Variants in STAT4 observed in about 807,000 individuals in gnomAD.
The protein encoded by STAT4 is signal transducer and activator of transcription 4.
In STAT4, 42 loss-of-function variants were observed where a neutral mutation model predicts 110.5. The ratio of observed to expected loss-of-function variants is 0.38; its 90% confidence interval spans 0.30 to 0.49. The LOEUF is 0.49. STAT4 is among the 20% of genes least tolerant of loss of function. The pLI is 0.95. For synonymous variants in STAT4, 284 were observed against 302.2 expected (o/e 0.94, Z 0.63); for missense variants, 632 against 887.9 (o/e 0.71, Z 3.66).
intron 3 of STAT4, among the ~76,000 whole-genome samples, chr2:191,081,330 G>T (rs1000174011): frequency 6.6e-6 from 1 of 152,220 alleles, no homozygotes; most frequent in Non-Finnish European, 1.5e-5. Flanking sequence ...ATAGTAGAAT[G>T]ATTTATAATC....
Position 191,066,652 on chromosome 2 carries a change from C to T in STAT4, c.545-137G>A. On this transcript the variant is annotated intron_variant, in intron 6 of 23. Coordinates refer to ENST00000392320, the MANE Select transcript of STAT4 (RefSeq NM_003151.4). The surrounding 1 kb of genome is among the most constrained non-coding windows in gnomAD (Gnocchi z 4.3). ...ACTAATTGGGTTCACTAGAGGTGAG[C>T]TTGGAAGTCTGTCTGCTCATTTTGC... is the stretch of plus-strand genomic sequence containing the variant. 1.5e-6 allele frequency: 1 copy of T among 653,318 alleles called. No individual in the cohort carries two copies. Among genetic ancestry groups the T allele is most frequent in the South Asian group, 2.2e-5 (1 of 45,076 alleles). The allele number at this position is 653,318 out of a possible 1,614,324, so 40.5% of individuals were successfully genotyped here. A position where few individuals can be genotyped will look rare whatever the true frequency, so the allele number is the denominator to read the frequency against.
chr2:191,100,040 T>G (rs1559067051), intron 3 of STAT4, among the ~76,000 whole-genome samples: 2 of 152,166 alleles, frequency 1.3e-5, no homozygotes, highest in Non-Finnish European at 2.9e-5. Context: ...AAAGCTATTT[T>G]CATCATAACA....
intron 3 of STAT4, among the ~76,000 whole-genome samples, chr2:191,125,475 A>ATTT (rs373535082): frequency 2.3e-5 from 1 of 43,004 alleles, no homozygotes; most frequent in Non-Finnish European, 5.8e-5. Flanking sequence ...GATCCTCATT[A>ATTT]TTTATTATTA....
At chr2:191,105,498 GTAT>G (rs1339853012) in intron 3 of STAT4, among the ~76,000 whole-genome samples, 1 of 151,912 alleles carries the variant, frequency 6.6e-6, no homozygotes, top group Non-Finnish European at 1.5e-5. Flanking sequence ...ATCTTAAACA[GTAT>G]TATTTGTCTT....
intron 3 of STAT4, among the ~76,000 whole-genome samples, chr2:191,121,777 GGGGGGAA>G (rs1698739644): frequency 6.9e-6 from 1 of 145,158 alleles, no homozygotes; most frequent in Admixed American, 6.9e-5. Flanking sequence ...GTTGTGGGGT[GGGGGGAA>G]GGGGGAGGGG....
At position 191,144,782 on chromosome 2, in the gene STAT4, A is replaced by G. The variant is rs1382450375; in HGVS notation, c.273+1831T>C. ...TGCTATTTTACCTACCAACAATAAG[A>G]ATCATTTATTGAATGCCTACATCTT... On this transcript the variant is annotated intron_variant, in intron 3 of 23. Transcript: ENST00000392320. The surrounding 1 kb of genome is among the most constrained non-coding windows in gnomAD (Gnocchi z 4.7). Among the ~76,000 whole-genome samples, 2 of 152,178 alleles carry G rather than the reference A, an allele frequency of 1.3e-5. No individual in the cohort carries two copies. Among genetic ancestry groups the G allele is most frequent in the African/African-American group, 4.8e-5 (2 of 41,442 alleles).
rs1190488463 is a variant in STAT4 at position 191,030,888 on chromosome 2, G to GTA, written c.2220+82_2220+83dup. On this transcript the variant is annotated intron_variant, in intron 23 of 23. Coordinates refer to ENST00000392320, the MANE Select transcript of STAT4 (RefSeq NM_003151.4). This position sits in a 1 kb window ranked among gnomAD's most constrained non-coding sequence, Gnocchi z 4.4. ...AATGTGTTTTCTCCCTACCCAGGCAGTATTTCAGCCCCTTTGATTCACACA... is the reference window on the plus strand; with the variant it reads ...AATGTGTTTTCTCCCTACCCAGGCAGTATATTTCAGCCCCTTTGATTCACACA... 3 of 1,252,264 alleles carry GTA rather than the reference G, an allele frequency of 2.4e-6. No individual in the cohort carries two copies. The highest frequency in any genetic ancestry group is 3.5e-6 in the Non-Finnish European group (3 of 858,472). 77.6% of individuals were successfully genotyped at this position (1,252,264 alleles called of 1,614,324 possible). A position where few individuals can be genotyped will look rare whatever the true frequency, so the allele number is the denominator to read the frequency against.
At chr2:191,054,915 A>G (rs181019816) in intron 13 of STAT4, among the ~76,000 whole-genome samples, 1 of 152,316 alleles carries the variant, frequency 6.6e-6, no homozygotes, top group Admixed American at 6.5e-5. Flanking sequence ...TCTAACGAAG[A>G]CTAGAAAAAT....
Position 191,091,059 on chromosome 2 carries a change from C to T in STAT4, c.274-14734G>A, listed in dbSNP as rs561882617. Among the ~76,000 whole-genome samples the T allele has an allele frequency of 6.6e-6, 1 of 152,188 alleles. No individual in the cohort carries two copies. Among genetic ancestry groups the T allele is most frequent in the Admixed American group, 6.5e-5 (1 of 15,282 alleles). ...AGGACCTGGGTTGGTGGCTCAGTAA[C>T]CTTTACTCTGTGATAAGAACAGATA... On this transcript the variant is annotated intron_variant, in intron 3 of 23. Coordinates refer to ENST00000392320, the MANE Select transcript of STAT4 (RefSeq NM_003151.4). The surrounding 1 kb of genome is among the most constrained non-coding windows in gnomAD (Gnocchi z 5.4).
intron 14 of STAT4, among the ~76,000 whole-genome samples, chr2:191,047,554 C>T (rs1194451066): frequency 6.6e-6 from 1 of 152,094 alleles, no homozygotes; most frequent in Non-Finnish European, 1.5e-5. Flanking sequence ...GAGAGAAATC[C>T]CCACACATAT....
intron 3 of STAT4, among the ~76,000 whole-genome samples, chr2:191,139,710 A>T (rs186692119): frequency 3.5e-4 from 54 of 152,326 alleles, no homozygotes; most frequent in Middle Eastern, 6.8e-3. Context: ...TGCAATTTCC[A>T]TCAAAATACC....
intron 14 of STAT4, among the ~76,000 whole-genome samples, chr2:191,052,260 A>T (rs1357815240): frequency 6.6e-6 from 1 of 152,174 alleles, no homozygotes; most frequent in Non-Finnish European, 1.5e-5. Flanking sequence ...ATGACTAGTC[A>T]ACTGTTACTG....
chr2:191,030,802 T>G lies in STAT4; in HGVS notation c.2220+170A>C, dbSNP rs1695870392. 1.7e-6 allele frequency: 1 copy of G among 583,494 alleles called. No individual in the cohort carries two copies. Among genetic ancestry groups the G allele is most frequent in the Non-Finnish European group, 3.0e-6 (1 of 329,108 alleles). 36.1% of individuals were successfully genotyped at this position (583,494 alleles called of 1,614,324 possible). On this transcript the variant is annotated intron_variant, in intron 23 of 23. Transcript: ENST00000392320. The surrounding 1 kb of genome is among the most constrained non-coding windows in gnomAD (Gnocchi z 4.4). ...GTGTCTGCTTTCAATACGCATAATATCAGCAACACGCAGGACCATCCAGAC... is the reference window on the plus strand; with the variant it reads ...GTGTCTGCTTTCAATACGCATAATAGCAGCAACACGCAGGACCATCCAGAC...
rs1433521297 is a variant in STAT4 at position 191,090,052 on chromosome 2, C to G, written c.274-13727G>C. On this transcript the variant is annotated intron_variant, in intron 3 of 23. Transcript: ENST00000392320. This position sits in a 1 kb window ranked among gnomAD's most constrained non-coding sequence, Gnocchi z 4.2. Reference sequence around the variant, plus strand: ...GTGAGCCCTAATGTAAATTATGGGACTTTAGTTAATAATAATATAATATTG... The same window carrying G: ...GTGAGCCCTAATGTAAATTATGGGAGTTTAGTTAATAATAATATAATATTG... Among the ~76,000 whole-genome samples the G allele has an allele frequency of 1.3e-5, 2 of 151,730 alleles. No individual in the cohort carries two copies. Among genetic ancestry groups the G allele is most frequent in the Non-Finnish European group, 2.9e-5 (2 of 67,988 alleles).
chr2:191,043,493 A>AC lies in STAT4; in HGVS notation c.1252-2346dup, dbSNP rs561082913. Among the ~76,000 whole-genome samples, 1 of 152,310 alleles carries AC rather than the reference A, an allele frequency of 6.6e-6. No homozygotes were observed. Among genetic ancestry groups the AC allele is most frequent in the South Asian group, 2.1e-4 (1 of 4,828 alleles). ...GCAATTGTTACAATCACTTTGGAGA[A>AC]CAATTCCTCAGTATCTAGAAAAGTA... On this transcript the variant is annotated intron_variant, in intron 14 of 23. Coordinates refer to ENST00000392320, the MANE Select transcript of STAT4 (RefSeq NM_003151.4). The surrounding 1 kb of genome is among the most constrained non-coding windows in gnomAD (Gnocchi z 4.8).
rs764332457 is a variant in STAT4, at chr2:191,058,716, A to G, written c.1088T>C (p.Ile363Thr). The change falls in exon 11 of 24, where the codon ATT (isoleucine) becomes ACT (threonine). Residue 363 changes from isoleucine to threonine, a missense_variant. This residue lies in a region of STAT4 where 488 missense variants were observed against 632.8 expected (regional missense o/e 0.77). Transcript: ENST00000392320. The surrounding 1 kb of genome is among the most constrained non-coding windows in gnomAD (Gnocchi z 4.3). ...ACGAAATTAGAAAACTTACTTGTCA[A>G]TTGATGCCTTAACCTTTACCTGATA... Reference protein sequence around the residue: ...LNYQVKVKASIDKNVSTLSNR... With the variant: ...LNYQVKVKASTDKNVSTLSNR... 13 of 1,585,864 alleles carry G rather than the reference A, an allele frequency of 8.2e-6. No individual in the cohort carries two copies. The highest frequency in any genetic ancestry group is 2.4e-5 in the South Asian group (2 of 84,336).
chr2:191,060,938 C>G lies in STAT4; in HGVS notation c.1034+791G>C, dbSNP rs937211785. On this transcript the variant is annotated intron_variant, in intron 10 of 23. Transcript: ENST00000392320. This position sits in a 1 kb window ranked among gnomAD's most constrained non-coding sequence, Gnocchi z 4.5. ...AAACTGCTCTGTACCATGGCATCAC[C>G]ACCTCTTGACCTGTTAGTCTGTGGT... Among the ~76,000 whole-genome samples the G allele has an allele frequency of 2.0e-5, 3 of 152,156 alleles. No individual in the cohort carries two copies. The highest frequency in any genetic ancestry group is 2.0e-4 in the Admixed American group (3 of 15,268).
rs1696615566 is a variant in STAT4 at position 191,054,407 on chromosome 2, T to A, written c.1251+83A>T. 6 of 1,113,852 alleles carry A rather than the reference T, an allele frequency of 5.4e-6. No individual in the cohort carries two copies. The Admixed American group carries it at 7.1e-5, about 13-fold the overall frequency. The allele number at this position is 1,113,852 out of a possible 1,614,324, so 69.0% of individuals were successfully genotyped here. A position where few individuals can be genotyped will look rare whatever the true frequency, so the allele number is the denominator to read the frequency against. On this transcript the variant is annotated intron_variant, in intron 14 of 23. Coordinates refer to ENST00000392320, the MANE Select transcript of STAT4 (RefSeq NM_003151.4). ...AACATGAATTTGATTTTATATGAAG[T>A]CAAGCAGTTTAAAAGCTTTGTAAAA...
Position 191,107,152 on chromosome 2 carries a change from AAT to A in STAT4, c.274-30829_274-30828del, listed in dbSNP as rs931982339. ...GTCCAGTGAGATTAGTAAGATGAAA[AAT>A]GGTTAAAAGCTTCAGGGTTTGAGGT... On this transcript the variant is annotated intron_variant, in intron 3 of 23. Coordinates refer to ENST00000392320, the MANE Select transcript of STAT4 (RefSeq NM_003151.4). This position sits in a 1 kb window ranked among gnomAD's most constrained non-coding sequence, Gnocchi z 4.2. Among the ~76,000 whole-genome samples, 3 of 152,176 alleles carry A rather than the reference AAT, an allele frequency of 2.0e-5. No homozygotes were observed. The highest frequency in any genetic ancestry group is 7.2e-5 in the African/African-American group (3 of 41,440).
Sources: gnomAD v4.1 joint callset for allele counts (sites outside exome capture counted in the v4.1 genomes callset) on GRCh38, gnomAD v4.1.1 for gene constraint, gnomAD v4.1.1 regional missense constraint, Gnocchi (gnomAD v3.1) non-coding constraint, MANE v1.5 for transcripts, NCBI Gene and HGNC (gene_info 2026-07-23, HGNC 2026-07-21) for gene names.